CEP164: variants seen among roughly 807,000 people sequenced by gnomAD.
CEP164 encodes the protein centrosomal protein 164.
A neutral mutation model predicts 182.7 loss-of-function variants in CEP164; 162 were observed. The ratio of observed to expected loss-of-function variants is 0.89; its 90% CI spans 0.78 to 1.01. The LOEUF (loss-of-function observed/expected upper bound fraction) is 1.01. Among genes scored for constraint, CEP164 ranks in the 50% least tolerant of loss-of-function variants. CEP164 has a pLI of 0.00. For missense variants in CEP164, 1,735 were observed against 1,790.4 expected, an observed-to-expected ratio of 0.97 and a Z score of 0.56; for synonymous variants, 661 against 690.0, an observed-to-expected ratio of 0.96 and a Z score of 0.66.
intron 3 of CEP164, 69 bp downstream of exon 3, chr11:117,338,737 AT>A: frequency 8.0e-7 from 1 of 1,251,472 alleles, no homozygotes; most frequent in Non-Finnish European, 1.2e-6. Context: ...TGTCTGGTTT[AT>A]TTTTATTCTT....
intron 3 of CEP164, 23 bp from the exon 4 acceptor site, chr11:117,344,143 C>T: frequency 6.9e-7 from 1 of 1,439,090 alleles, no homozygotes; most frequent in Non-Finnish European, 9.7e-7. Flanking sequence ...CTCTTACTTT[C>T]CCACCTCTGC....
chr11:117,394,238 C>CGAT lies in CEP164; in HGVS notation c.2617-110_2617-108dup. On this transcript the variant is annotated intron_variant, in intron 20 of 32. Coordinates refer to ENST00000278935, the MANE Select transcript of CEP164 (RefSeq NM_014956.5). The surrounding 1 kb of genome is among the most constrained non-coding windows in gnomAD (Gnocchi z 4.0). Reference sequence around the variant, plus strand: ...TCTCCAAGAGCTGGCTTTAGGGAGCCGATGGTGTCCCTGATCTTACTGATG... The same window carrying CGAT: ...TCTCCAAGAGCTGGCTTTAGGGAGCCGATGATGGTGTCCCTGATCTTACTGATG... The CGAT allele has an allele frequency of 1.4e-6, 2 of 1,397,804 alleles. No homozygotes were observed. The highest frequency in any genetic ancestry group is 1.9e-6 in the Non-Finnish European group (2 of 1,029,730). The allele number at this position is 1,397,804 out of a possible 1,614,324, so 86.6% of individuals were successfully genotyped here.
chr11:117,387,270 G>T lies in CEP164; in HGVS notation c.1792G>T (p.Ala598Ser), dbSNP rs150956860. 8 of 1,614,236 alleles carry T rather than the reference G, an allele frequency of 5.0e-6. No individual in the cohort carries two copies. The highest frequency in any genetic ancestry group is 5.1e-6 in the Non-Finnish European group (6 of 1,180,030). Residue 598 changes from alanine (A) to serine (S), a missense_variant, in exon 15 of 33, where the codon GCA (alanine) becomes TCA (serine). Coordinates refer to ENST00000278935, the MANE Select transcript of CEP164 (RefSeq NM_014956.5). ...SEAALKAMEE[A>S]VAQVLEQDQR... The stretch of plus-strand genomic sequence containing the variant: ...GGCTGCACTAAAGGCCATGGAAGAG[G>T]CAGTGGCCCAAGTACTCGAGCAAGA...
At chr11:117,364,933 G>A (rs370542841) in intron 8 of CEP164, among the ~76,000 whole-genome samples, 11 of 152,112 alleles carry the variant, frequency 7.2e-5, no homozygotes, top group East Asian at 3.9e-4. Context: ...TAAGTGTCCC[G>A]TTTTTATTAT....
intron 17 of CEP164, among the ~76,000 whole-genome samples, chr11:117,391,458 C>T (rs962765662): frequency 6.6e-6 from 1 of 152,064 alleles, no homozygotes; most frequent in Non-Finnish European, 1.5e-5. Flanking sequence ...TCACAAGGCT[C>T]CTCCAGGGTC....
Position 117,381,774 on chromosome 11 carries a change from C to A in CEP164, c.1483C>A (p.Pro495Thr), listed in dbSNP as rs1200761905. Residue 495 changes from proline (P) to threonine (T), a missense_variant, in exon 13 of 33, where the codon CCC becomes ACC. Coordinates refer to ENST00000278935, the MANE Select transcript of CEP164 (RefSeq NM_014956.5). Reference sequence around the variant, plus strand: ...CAGCCTGGCCACTGAAGAAGAGCCTCCCCAGGGCCCCGAGGGGCAGCCCGA... The same window carrying A: ...CAGCCTGGCCACTGAAGAAGAGCCTACCCAGGGCCCCGAGGGGCAGCCCGA... The part of the protein sequence containing the change: ...PRSLATEEEP[P>T]QGPEGQPEWK... 15 of 1,596,854 alleles carry A rather than the reference C, an allele frequency of 9.4e-6. No homozygotes were observed. Among genetic ancestry groups the A allele is most frequent in the Non-Finnish European group, 1.3e-5 (15 of 1,171,466 alleles).
chr11:117,383,802 C>CT (rs1592302087), intron 14 of CEP164, among the ~76,000 whole-genome samples: 1 of 152,076 alleles, frequency 6.6e-6, no homozygotes, highest in Non-Finnish European at 1.5e-5. Flanking sequence ...TCTGGGAGGC[C>CT]GAGGCAGGTG....
chr11:117,328,566 C>G (rs2035686457), intron 1 of CEP164, among the ~76,000 whole-genome samples: 1 of 152,188 alleles, frequency 6.6e-6, no homozygotes, highest in Non-Finnish European at 1.5e-5. Context: ...CCATCTCTTG[C>G]GTTATCAGCT....
chr11:117,348,770 A>G (rs946480648), intron 4 of CEP164, among the ~76,000 whole-genome samples: 11 of 152,296 alleles, frequency 7.2e-5, no homozygotes, highest in African/African-American at 2.4e-4. Context: ...CTGAAACTCT[A>G]TAGCCATTAA....
intron 28 of CEP164, among the ~76,000 whole-genome samples, chr11:117,408,285 A>AG (rs1438653581): frequency 6.6e-6 from 1 of 152,172 alleles, no homozygotes; most frequent in African/African-American, 2.4e-5. Context: ...AAGGTGCCTG[A>AG]GAAGAGGGCC....
intron 2 of CEP164, chr11:117,336,538 A>G: frequency 6.5e-7 from 1 of 1,529,310 alleles, no homozygotes; most frequent in Non-Finnish European, 8.9e-7. Context: ...GGGTGGATTG[A>G]TAGGTGGTGG....
At chr11:117,370,997 A>G (rs937496739) in intron 8 of CEP164, 83 bp from the exon 9 acceptor site, 4 of 1,413,714 alleles carry the variant, frequency 2.8e-6, no homozygotes, top group Admixed American at 2.3e-5. Context: ...GTCAGGGAAT[A>G]GCATTTCCAT....
intron 5 of CEP164, chr11:117,359,297 A>T: frequency 1.7e-6 from 1 of 578,640 alleles, no homozygotes; most frequent in Non-Finnish European, 2.2e-6. Context: ...GGGACTGTGG[A>T]TAATGGCAGA....
In CEP164 at chr11:117,387,734, CA is replaced by C. The variant is rs554936026; in HGVS notation, c.1934+327del. ...CAGTCCCAGGTTGGGAAAGGTACTA[CA>C]AAAAGGTGTTAACATATTTCATTTA... On this transcript the variant is annotated intron_variant, in intron 15 of 32. Coordinates refer to ENST00000278935, the MANE Select transcript of CEP164 (RefSeq NM_014956.5). Among the ~76,000 whole-genome samples, 658 of 152,240 alleles carry C rather than the reference CA, an allele frequency of 4.3e-3. 2 individuals carry two copies. The highest frequency in any genetic ancestry group is 0.015 in the African/African-American group (626 of 41,546).
chr11:117,354,314 G>A (rs896493072), intron 5 of CEP164, among the ~76,000 whole-genome samples: 1 of 152,078 alleles, frequency 6.6e-6, no homozygotes, highest in African/African-American at 2.4e-5. Context: ...CACCACACAC[G>A]GCTCAAGGTT....
At chr11:117,380,479 C>G in intron 11 of CEP164, 135 bp from the exon 12 acceptor site, 1 of 683,270 alleles carries the variant, frequency 1.5e-6, no homozygotes, top group South Asian at 1.8e-5. Flanking sequence ...ACCTTCTGTT[C>G]TACGTCCCGT....
In CEP164 at chr11:117,394,996, AG is replaced by A. The variant is rs1258474930; in HGVS notation, c.2839del (p.Val947SerfsTer22). 6.2e-7 allele frequency: 1 copy of A among 1,613,988 alleles called. No homozygotes were observed. The highest frequency in any genetic ancestry group is 1.3e-5 in the African/African-American group (1 of 74,910). ...KDVKARLALL[E>X]VQEETARREK... ...GTCAAGGCCAGATTGGCTCTGCTGG[AG>A]GTCCAGGTGAGGGATCTGCAGGAGT... On this transcript the variant is annotated frameshift_variant, in exon 22 of 33. Coordinates refer to ENST00000278935, the MANE Select transcript of CEP164 (RefSeq NM_014956.5). LOFTEE classifies it high-confidence loss of function. This position sits in a 1 kb window ranked among gnomAD's most constrained non-coding sequence, Gnocchi z 4.0.
Position 117,351,734 on chromosome 11 carries a change from T to G in CEP164, c.195-56T>G, listed in dbSNP as rs941987304. ...CTTTTTCTTTTTTTCCCCTCTTTTT[T>G]TTTTCTTCTTTTGTATCTGAGCAGG... On this transcript the variant is annotated intron_variant, in intron 4 of 32. Transcript: ENST00000278935. 16 of 1,509,490 alleles carry G rather than the reference T, an allele frequency of 1.1e-5. No individual in the cohort carries two copies. The African/African-American group carries it at 2.3e-4, about 21-fold the overall frequency. 93.5% of individuals were successfully genotyped at this position (1,509,490 alleles called of 1,614,324 possible).
At chr11:117,410,744 G>C in intron 30 of CEP164, 84 bp from the exon 31 acceptor site, 1 of 1,132,898 alleles carries the variant, frequency 8.8e-7, no homozygotes, top group Non-Finnish European at 1.3e-6. Flanking sequence ...TCCTTTTATT[G>C]TTTATTCTGG....
Sources: gnomAD v4.1 joint callset for allele counts (sites outside exome capture counted in the v4.1 genomes callset) on GRCh38, gnomAD v4.1.1 for gene constraint, Gnocchi (gnomAD v3.1) non-coding constraint, MANE v1.5 for transcripts, NCBI Gene and HGNC (gene_info 2026-07-23, HGNC 2026-07-21) for gene names.